Variants in TNKS observed in about 807,000 individuals in gnomAD.
TNKS encodes tankyrase.
In TNKS, 72 loss-of-function variants were observed where a neutral mutation model predicts 135.8. The ratio of observed to expected loss-of-function variants is 0.53; its 90% CI spans 0.44 to 0.64. The LOEUF is 0.64. TNKS is among the 30% of genes least tolerant of loss of function. The pLI is 0.00. For synonymous variants in TNKS, 849 were observed against 649.3 expected, an observed-to-expected ratio of 1.31 and a Z score of -4.68; for missense variants, 1,769 against 1,674.0, an observed-to-expected ratio of 1.06 and a Z score of -0.99.
chr8:9,637,310 G>A (rs1800549833), intron 3 of TNKS, among the ~76,000 whole-genome samples: 1 of 152,112 alleles, frequency 6.6e-6, no homozygotes, highest in South Asian at 2.1e-4. Context: ...GATACAGACT[G>A]GTTCTGTGTA....
chr8:9,758,290 T>C (rs1806951100), intron 20 of TNKS, among the ~76,000 whole-genome samples: 2 of 152,200 alleles, frequency 1.3e-5, no homozygotes, highest in South Asian at 4.1e-4. Context: ...TTATATTCAG[T>C]TGCAAGTATA....
intron 1 of TNKS, among the ~76,000 whole-genome samples, chr8:9,579,683 G>A (rs186093768): frequency 1.6e-4 from 25 of 152,214 alleles, no homozygotes; most frequent in Admixed American, 1.6e-3. Flanking sequence ...TGGCCAGGCT[G>A]GTCTTGAACT....
intron 17 of TNKS, among the ~76,000 whole-genome samples, chr8:9,736,285 A>C (rs1805699783): frequency 7.0e-6 from 1 of 143,418 alleles, no homozygotes; most frequent in African/African-American, 2.5e-5. Flanking sequence ...CGGGAGGCTG[A>C]GGTGGGAAGA....
chr8:9,648,510 C>A (rs931684462), intron 3 of TNKS, among the ~76,000 whole-genome samples: 4 of 152,248 alleles, frequency 2.6e-5, no homozygotes, highest in Middle Eastern at 3.4e-3. Context: ...CCATGCCGTC[C>A]CACTGAAAGG....
At chr8:9,583,099 G>A (rs542663612) in intron 2 of TNKS, among the ~76,000 whole-genome samples, 53 of 150,932 alleles carry the variant, frequency 3.5e-4, no homozygotes, top group African/African-American at 1.0e-3. Flanking sequence ...CCCGGGAGGC[G>A]GAGCTTGATG....
intron 2 of TNKS, among the ~76,000 whole-genome samples, chr8:9,583,701 A>T (rs142321474): frequency 9.9e-5 from 15 of 152,014 alleles, no homozygotes; most frequent in Admixed American, 6.5e-5. Context: ...GTTGGCCAGG[A>T]TGCTCTCGAT....
rs7010154 is a variant in TNKS at position 9,777,364 on chromosome 8, T to C, written c.*628T>C. 0.084 allele frequency: 12,879 copies of C among 152,592 alleles called. 610 individuals are homozygous for C. The highest frequency in any genetic ancestry group is 0.17 in the South Asian group (820 of 4,830). The allele number at this position is 152,592 out of a possible 1,614,324, so 9.5% of individuals were successfully genotyped here. On this transcript the variant is annotated 3_prime_UTR_variant, in exon 27 of 27. Transcript: ENST00000310430. ...TTTTTATTTTGCTCTGTAGCTGCACTTCTCGTTATCATAAATTGAGATGAA... is the reference window on the plus strand; with the variant it reads ...TTTTTATTTTGCTCTGTAGCTGCACCTCTCGTTATCATAAATTGAGATGAA...
intron 1 of TNKS, among the ~76,000 whole-genome samples, chr8:9,561,303 G>C (rs1008253684): frequency 6.6e-6 from 1 of 152,178 alleles, no homozygotes; most frequent in Non-Finnish European, 1.5e-5. Flanking sequence ...AGATACATGT[G>C]TAACTGAACT....
At chr8:9,587,802 T>G (rs1798445344) in intron 2 of TNKS, among the ~76,000 whole-genome samples, 2 of 152,182 alleles carry the variant, frequency 1.3e-5, no homozygotes, top group Non-Finnish European at 2.9e-5. Context: ...ACCACTGGAT[T>G]TGTGATAATT....
At chr8:9,726,301 G>A (rs1383996170) in intron 12 of TNKS, among the ~76,000 whole-genome samples, 2 of 152,122 alleles carry the variant, frequency 1.3e-5, no homozygotes, top group East Asian at 1.9e-4. Context: ...AGGTGGGGAG[G>A]ATTGCTTGAT....
chr8:9,597,158 T>C (rs1798820844), intron 2 of TNKS, among the ~76,000 whole-genome samples: 1 of 152,256 alleles, frequency 6.6e-6, no homozygotes, highest in African/African-American at 2.4e-5. Context: ...ACATACAGAC[T>C]GATTTTACAC....
intron 2 of TNKS, among the ~76,000 whole-genome samples, chr8:9,596,244 T>C (rs1403969165): frequency 6.6e-6 from 1 of 152,206 alleles, no homozygotes; most frequent in Non-Finnish European, 1.5e-5. Context: ...CAGGCAGATT[T>C]TGCTTTGCAT....
Position 9,735,474 on chromosome 8 carries a change from G to A in TNKS, c.2631G>A (p.Ala877=), listed in dbSNP as rs1274958731. Residue 877 remains alanine, a synonymous_variant, in exon 17 of 27, where the codon GCG becomes GCA. Coordinates refer to ENST00000310430, the MANE Select transcript of TNKS (RefSeq NM_003747.3). Reference sequence around the variant, plus strand: ...GTGGTTTAATTCCTCTTCATAATGCGGCATCTTATGGGGTAAGCATACTAA... The same window carrying A: ...GTGGTTTAATTCCTCTTCATAATGCAGCATCTTATGGGGTAAGCATACTAA... ...DKGGLIPLHN[A]ASYGHVDIAA... is the part of the protein sequence containing the mutation. The A allele has an allele frequency of 1.2e-5, 19 of 1,613,102 alleles. No individual in the cohort carries two copies. The highest frequency in any genetic ancestry group is 2.2e-5 in the East Asian group (1 of 44,844).
At position 9,556,137 on chromosome 8, in the gene TNKS, G is replaced by T. The variant is rs1207426129; in HGVS notation, c.198G>T (p.Pro66=). Residue 66 remains proline (P), a synonymous_variant, in exon 1 of 27, where the codon CCG becomes CCT. Transcript: ENST00000310430. ...FASPRHGLAL[P]EGDGSRDPPD... The stretch of plus-strand genomic sequence containing the variant: ...CCCCGCGGCACGGCCTAGCGCTGCC[G>T]GAGGGGGATGGCAGTCGGGATCCGC... 3 of 1,606,862 alleles carry T rather than the reference G, an allele frequency of 1.9e-6. No individual in the cohort carries two copies. Among genetic ancestry groups the T allele is most frequent in the African/African-American group, 1.3e-5 (1 of 74,982 alleles).
intron 1 of TNKS, among the ~76,000 whole-genome samples, chr8:9,564,372 G>GT: frequency 6.6e-6 from 1 of 151,084 alleles, no homozygotes; most frequent in Admixed American, 6.6e-5. Context: ...GCATAAATAT[G>GT]TTAAAAAAAA....
intron 2 of TNKS, among the ~76,000 whole-genome samples, chr8:9,591,203 G>T (rs1177470081): frequency 6.6e-6 from 1 of 152,030 alleles, no homozygotes; most frequent in Non-Finnish European, 1.5e-5. Flanking sequence ...ACTCCCTTTC[G>T]TGTATGATTC....
chr8:9,575,522 C>G, intron 1 of TNKS: 3 of 630,858 alleles, frequency 4.8e-6, no homozygotes, highest in Non-Finnish European at 5.9e-6. Flanking sequence ...CAACTCACAC[C>G]ATAGTTACAA....
intron 12 of TNKS, among the ~76,000 whole-genome samples, chr8:9,723,621 C>G (rs886588006): frequency 1.3e-5 from 2 of 152,212 alleles, no homozygotes; most frequent in Non-Finnish European, 2.9e-5. Context: ...ATTTCTTTCT[C>G]TAGACTTGCT....
At chr8:9,677,182 A>G (rs1802577707) in intron 3 of TNKS, among the ~76,000 whole-genome samples, 1 of 152,192 alleles carries the variant, frequency 6.6e-6, no homozygotes, top group Non-Finnish European at 1.5e-5. Flanking sequence ...AGTGGATGCT[A>G]GAATGTATTG....
Sources: allele counts gnomAD v4.1 joint callset (sites outside exome capture counted in the v4.1 genomes callset), GRCh38; gene constraint gnomAD v4.1.1; transcripts MANE v1.5; gene names NCBI Gene and HGNC (gene_info 2026-07-23, HGNC 2026-07-21).